BRCA2: variants seen among roughly 807,000 people sequenced by gnomAD.
BRCA2 encodes breast cancer type 2 susceptibility protein.
A neutral mutation model predicts 276.7 loss-of-function variants in BRCA2; 203 were observed. The ratio of observed to expected loss-of-function variants is 0.73; its 90% CI spans 0.65 to 0.82. The LOEUF (loss-of-function observed/expected upper bound fraction) is 0.82, where lower values mean the gene tolerates loss of function less well. Among genes scored for constraint, BRCA2 ranks in the 40% least tolerant of loss-of-function variants. BRCA2 has a pLI of 0.00. For synonymous variants in BRCA2, 1,289 were observed against 1,338.4 expected (o/e 0.96, Z 0.81); for missense variants, 3,920 against 3,915.0 (o/e 1.00, Z -0.03).
chr13:32,328,569 AG>A (rs1037817864), intron 7 of BRCA2, among the ~76,000 whole-genome samples: 1 of 152,192 alleles, frequency 6.6e-6, no homozygotes, highest in Non-Finnish European at 1.5e-5. Context: ...ACCTGTTCAT[AG>A]TTGTGAAACT....
chr13:32,392,236 G>C (rs1231775509), intron 24 of BRCA2, among the ~76,000 whole-genome samples: 1 of 152,102 alleles, frequency 6.6e-6, no homozygotes, highest in South Asian at 2.1e-4. Flanking sequence ...TATTTACAAC[G>C]GATACATAAT....
At chr13:32,388,707 G>A (rs1459951712) in intron 24 of BRCA2, among the ~76,000 whole-genome samples, 3 of 148,128 alleles carry the variant, frequency 2.0e-5, no homozygotes, top group Non-Finnish European at 4.5e-5. Context: ...TTATTGCCAC[G>A]TGAAGGAAAG....
At chr13:32,364,037 C>A (rs537791655) in intron 18 of BRCA2, among the ~76,000 whole-genome samples, 1 of 152,070 alleles carries the variant, frequency 6.6e-6, no homozygotes, top group Admixed American at 6.5e-5. Context: ...AGAGAATTTA[C>A]TTCTGTGGTA....
intron 13 of BRCA2, among the ~76,000 whole-genome samples, chr13:32,347,422 G>T (rs1028986373): frequency 7.2e-5 from 11 of 152,150 alleles, no homozygotes; most frequent in Non-Finnish European, 4.4e-5. Flanking sequence ...GCAGCAACAG[G>T]TACTTCTGAA....
At chr13:32,379,681 T>A (rs2137621401) in intron 22 of BRCA2, 69 bp from the exon 23 acceptor site, 1 of 1,561,438 alleles carries the variant, frequency 6.4e-7, no homozygotes, top group Non-Finnish European at 8.8e-7. Context: ...GATCTGTATT[T>A]ATTTTGAAAC....
intron 24 of BRCA2, among the ~76,000 whole-genome samples, chr13:32,387,875 T>A (rs1452328594): frequency 6.6e-6 from 1 of 152,176 alleles, no homozygotes; most frequent in East Asian, 1.9e-4. Context: ...TGCTTCACCT[T>A]TTCAATCACT....
Position 32,398,144 on chromosome 13 carries a change from T to C in BRCA2, c.9649-18T>C, listed in dbSNP as rs864622264. On this transcript the variant is annotated intron_variant, in intron 26 of 26. Coordinates refer to ENST00000380152, the MANE Select transcript of BRCA2 (RefSeq NM_000059.4). ...TACTACATAATTATGATAGGCTACGTTTTCATTTTTTTATCAGATGTCTTC... is the reference window on the plus strand; with the variant it reads ...TACTACATAATTATGATAGGCTACGCTTTCATTTTTTTATCAGATGTCTTC... The C allele has an allele frequency of 6.3e-7, 1 of 1,598,464 alleles. No homozygotes were observed.
Position 32,347,009 on chromosome 13 carries a change from C to T in BRCA2, c.7007+113C>T, listed in dbSNP as rs886906178. On this transcript the variant is annotated intron_variant, in intron 13 of 26. Coordinates refer to ENST00000380152, the MANE Select transcript of BRCA2 (RefSeq NM_000059.4). Reference sequence around the variant, plus strand: ...CTAACGTTAAGAAGTTAACACTTCCCGTTTTATAAAATTTATAAAATACTT... The same window carrying T: ...CTAACGTTAAGAAGTTAACACTTCCTGTTTTATAAAATTTATAAAATACTT... 6.0e-4 allele frequency: 430 copies of T among 720,960 alleles called. 1 individual carries two copies. The highest frequency in any genetic ancestry group is 1.0e-3 in the East Asian group (34 of 33,424). The allele number at this position is 720,960 out of a possible 1,614,324, so 44.7% of individuals were successfully genotyped here. A position where few individuals can be genotyped will look rare whatever the true frequency, so the allele number is the denominator to read the frequency against.
rs1268123471 is a variant in BRCA2, at chr13:32,398,908, T to A, written c.*138T>A. The A allele has an allele frequency of 8.5e-7, 1 of 1,179,978 alleles. No homozygotes were observed. The highest frequency in any genetic ancestry group is 1.2e-6 in the Non-Finnish European group (1 of 868,202). 73.1% of individuals were successfully genotyped at this position (1,179,978 alleles called of 1,614,324 possible). On this transcript the variant is annotated 3_prime_UTR_variant, in exon 27 of 27. Coordinates refer to ENST00000380152, the MANE Select transcript of BRCA2 (RefSeq NM_000059.4). ...TTAGTTTCAAATTTACCTCAGCGTT[T>A]GTGTATCGGGCAAAAATCGTTTTGC...
At chr13:32,349,751 G>A (rs756518995) in intron 13 of BRCA2, among the ~76,000 whole-genome samples, 3 of 149,894 alleles carry the variant, frequency 2.0e-5, no homozygotes, top group Non-Finnish European at 4.4e-5. Context: ...GGAGGTGGAG[G>A]CTGCAGTGAG....
intron 8 of BRCA2, among the ~76,000 whole-genome samples, chr13:32,329,805 T>C (rs2072375830): frequency 6.8e-6 from 1 of 146,322 alleles, no homozygotes; most frequent in African/African-American, 2.5e-5. Flanking sequence ...ATGTGTAGTA[T>C]TTATATATAT....
At position 32,354,996 on chromosome 13, in the gene BRCA2, A is replaced by AT. The variant is rs878853599; in HGVS notation, c.7147dup (p.Tyr2383LeufsTer9). 6.2e-7 allele frequency: 1 copy of AT among 1,613,820 alleles called. No homozygotes were observed. Among genetic ancestry groups the AT allele is most frequent in the Non-Finnish European group, 8.5e-7 (1 of 1,179,758 alleles). ...GCAATTTAGCAGTTTCAGGACATCC[A>AT]TTTTATCAAGTTTCTGCTACAAGAA... On this transcript the variant is annotated frameshift_variant, in exon 14 of 27. Transcript: ENST00000380152. LOFTEE classifies it high-confidence loss of function.
chr13:32,371,359 G>A (rs910174401), intron 20 of BRCA2, among the ~76,000 whole-genome samples: 1 of 152,004 alleles, frequency 6.6e-6, no homozygotes, highest in Non-Finnish European at 1.5e-5. Flanking sequence ...TTTTGTCATG[G>A]TAGTTATTAG....
rs730881563 is a variant in BRCA2 at position 32,363,359 on chromosome 13, T to G, written c.8157T>G (p.Ile2719Met). 1 of 1,614,172 alleles carries G rather than the reference T, an allele frequency of 6.2e-7. No homozygotes were observed. The highest frequency in any genetic ancestry group is 8.5e-7 in the Non-Finnish European group (1 of 1,180,020). Residue 2719 changes from isoleucine (I) to methionine (M), a missense_variant, in exon 18 of 27, where the codon ATT (isoleucine) becomes ATG (methionine). By Grantham distance (10) the Ile-to-Met change is conservative. Around this residue, in one of 2 missense-constraint regions of BRCA2, gnomAD observed 3,263 missense variants for 3,156.9 expected, o/e 1.03. Coordinates refer to ENST00000380152, the MANE Select transcript of BRCA2 (RefSeq NM_000059.4). ...SSADTQKVAI[I>M]ELTDGWYAVK... ...CAGATACCCAAAAAGTGGCCATTAT[T>G]GAACTTACAGATGGGTGGTATGCTG...
At position 32,316,514 on chromosome 13, in the gene BRCA2, C is replaced by G. The variant is rs879915769; in HGVS notation, c.54C>G (p.Arg18=). 1.2e-6 allele frequency: 2 copies of G among 1,613,786 alleles called. No individual in the cohort carries two copies. Among genetic ancestry groups the G allele is most frequent in the Non-Finnish European group, 1.7e-6 (2 of 1,179,746 alleles). ...RPTFFEIFKT[R]CNKADLGPIS... ...CATTTTTTGAAATTTTTAAGACACG[C>G]TGCAACAAAGCAGGTATTGACAAAT... Residue 18 remains arginine (R), a synonymous_variant, in exon 2 of 27, where the codon CGC becomes CGG. Coordinates refer to ENST00000380152, the MANE Select transcript of BRCA2 (RefSeq NM_000059.4).
chr13:32,372,687 C>T (rs1171849910), intron 20 of BRCA2, among the ~76,000 whole-genome samples: 2 of 152,104 alleles, frequency 1.3e-5, no homozygotes, highest in Non-Finnish European at 2.9e-5. Context: ...TATCATTCTG[C>T]CCTGGACCCT....
At position 32,394,909 on chromosome 13, in the gene BRCA2, C is replaced by A. The variant is rs80359221; in HGVS notation, c.9477C>A (p.Phe3159Leu). ...AAGAGGGCCACTTTCAAGAGACATT[C>A]AACAAAATGAAAAATACTGTTGAGG... is the stretch of plus-strand genomic sequence containing the variant. ...SPKEGHFQET[F>L]NKMKNTVENI... Residue 3159 changes from phenylalanine to leucine, a missense_variant, in exon 25 of 27, where the codon TTC becomes TTA. Around this residue, in one of 2 missense-constraint regions of BRCA2, gnomAD observed 657 missense variants for 758.2 expected, o/e 0.87. Transcript: ENST00000380152. The A allele has an allele frequency of 2.5e-6, 4 of 1,613,916 alleles. No homozygotes were observed. Among genetic ancestry groups the A allele is most frequent in the Non-Finnish European group, 2.5e-6 (3 of 1,179,970 alleles).
intron 9 of BRCA2, among the ~76,000 whole-genome samples, chr13:32,332,066 A>C (rs909934347): frequency 6.6e-6 from 1 of 152,182 alleles, no homozygotes; most frequent in South Asian, 2.1e-4. Context: ...CATTGGAATC[A>C]GGGGAATCAG....
intron 18 of BRCA2, among the ~76,000 whole-genome samples, chr13:32,369,419 G>C (rs1305309319): frequency 6.6e-6 from 1 of 152,084 alleles, no homozygotes; most frequent in African/African-American, 2.4e-5. Flanking sequence ...TCCAATTTCT[G>C]AGTGTTTTCC....
Sources: allele counts gnomAD v4.1 joint callset (sites outside exome capture counted in the v4.1 genomes callset), GRCh38; gene constraint gnomAD v4.1.1; regional missense constraint gnomAD v4.1.1; transcripts MANE v1.5; gene names NCBI Gene and HGNC (gene_info 2026-07-23, HGNC 2026-07-21).